Variants in EDN1 observed in about 807,000 individuals in gnomAD.
The protein encoded by EDN1 is endothelin-1.
A neutral mutation model predicts 21.7 loss-of-function variants in EDN1; 11 were observed. That is an observed-to-expected ratio of 0.51 (90% CI 0.32 to 0.84). The LOEUF (loss-of-function observed/expected upper bound fraction) is 0.84. EDN1 is among the 40% of genes least tolerant of loss of function. The pLI is 0.03. For synonymous variants in EDN1, 85 were observed against 90.6 expected (o/e 0.94, Z 0.35); for missense variants, 244 against 262.3 (o/e 0.93, Z 0.48).
chr6:12,232,167 TATA>T, the EDN1 span, among the ~76,000 whole-genome samples: 12 of 131,848 alleles, frequency 9.1e-5, no homozygotes, highest in East Asian at 1.5e-3. Flanking sequence ...TATAATATAA[TATA>T]ATAAAGTGTA....
chr6:12,254,293 C>G, the EDN1 span, among the ~76,000 whole-genome samples: 9 of 152,320 alleles, frequency 5.9e-5, no homozygotes, highest in African/African-American at 1.9e-4. Context: ...CTGGTACCCG[C>G]TCTTCTTCCG....
intron 1 of EDN1, among the ~76,000 whole-genome samples, chr6:12,292,048 G>A (rs1428966776): frequency 6.6e-6 from 1 of 152,184 alleles, no homozygotes; most frequent in Non-Finnish European, 1.5e-5. Flanking sequence ...GCATTTCCCT[G>A]AGCCTGCTTC....
At chr6:12,286,669 T>G (rs1026653127), upstream of EDN1, among the ~76,000 whole-genome samples, 1 of 152,214 alleles carries the variant, frequency 6.6e-6, no homozygotes, top group Non-Finnish European at 1.5e-5. Context: ...AGCTGGAGAA[T>G]GCTAAAAACA....
chr6:12,275,445 G>C, the EDN1 span, among the ~76,000 whole-genome samples: 1 of 152,072 alleles, frequency 6.6e-6, no homozygotes, highest in African/African-American at 2.4e-5. Flanking sequence ...CCTTTTACTT[G>C]ACCCAGCAGA....
the EDN1 span, among the ~76,000 whole-genome samples, chr6:12,231,198 A>T: frequency 6.6e-6 from 1 of 152,176 alleles, no homozygotes; most frequent in Non-Finnish European, 1.5e-5. Flanking sequence ...CGCAGCACTT[A>T]CTTTCTGCCA....
At chr6:12,278,083 C>T in the EDN1 span, among the ~76,000 whole-genome samples, 1 of 152,130 alleles carries the variant, frequency 6.6e-6, no homozygotes, top group East Asian at 1.9e-4. Flanking sequence ...TTTACTGGAA[C>T]ATTTATTGAG....
rs370038651 is a variant in EDN1, at chr6:12,294,110, C to T, written c.389+14C>T. On this transcript the variant is annotated intron_variant, in intron 3 of 4. Transcript: ENST00000379375. The stretch of plus-strand genomic sequence containing the variant: ...AAAAGAACTCAGGTGAGCAGAAACA[C>T]CTTTGCTTTTCAATCAGTTTAACAG... 7.4e-6 allele frequency: 12 copies of T among 1,613,986 alleles called. No homozygotes were observed. In the African/African-American group the frequency reaches 1.2e-4, roughly 16 times the overall value.
chr6:12,268,175 T>C, the EDN1 span, among the ~76,000 whole-genome samples: 4 of 152,202 alleles, frequency 2.6e-5, no homozygotes, highest in Non-Finnish European at 2.9e-5. Context: ...CTGTAGCCCA[T>C]GGATCAAGGA....
At chr6:12,286,359 G>T (rs1762558649), upstream of EDN1, among the ~76,000 whole-genome samples, 1 of 152,204 alleles carries the variant, frequency 6.6e-6, no homozygotes, top group Admixed American at 6.5e-5. Flanking sequence ...GAGAAGCTGT[G>T]TTTCTTCATA....
chr6:12,296,266 G>T lies in EDN1; in HGVS notation c.*199G>T. On this transcript the variant is annotated 3_prime_UTR_variant, in exon 5 of 5. Coordinates refer to ENST00000379375, the MANE Select transcript of EDN1 (RefSeq NM_001955.5). ...ACCATCTTCACTGGCTTCCATCAGTGGTAACTGCTTTGGTCTCTTCTTTCA... is the reference window on the plus strand; with the variant it reads ...ACCATCTTCACTGGCTTCCATCAGTTGTAACTGCTTTGGTCTCTTCTTTCA... 1.8e-6 allele frequency: 1 copy of T among 571,360 alleles called. No homozygotes were observed. The highest frequency in any genetic ancestry group is 3.2e-6 in the Non-Finnish European group (1 of 312,852). The allele number at this position is 571,360 out of a possible 1,614,324, so 35.4% of individuals were successfully genotyped here.
chr6:12,232,572 C>A, the EDN1 span, among the ~76,000 whole-genome samples: 1 of 152,298 alleles, frequency 6.6e-6, no homozygotes, highest in South Asian at 2.1e-4. Flanking sequence ...CTGTCAAACT[C>A]ATCTTTCATT....
chr6:12,240,758 A>G, the EDN1 span, among the ~76,000 whole-genome samples: 2 of 152,152 alleles, frequency 1.3e-5, no homozygotes, highest in African/African-American at 2.4e-5. Context: ...TTCAATATCT[A>G]TTATCCCTTA....
chr6:12,290,475 G>A lies in EDN1; in HGVS notation c.-155G>A. 2 of 650,234 alleles carry A rather than the reference G, an allele frequency of 3.1e-6. No homozygotes were observed. Among genetic ancestry groups the A allele is most frequent in the Non-Finnish European group, 5.4e-6 (2 of 373,646 alleles). 40.3% of individuals were successfully genotyped at this position (650,234 alleles called of 1,614,324 possible). A position where few individuals can be genotyped will look rare whatever the true frequency, so the allele number is the denominator to read the frequency against. On this transcript the variant is annotated 5_prime_UTR_variant, in exon 1 of 5. Coordinates refer to ENST00000379375, the MANE Select transcript of EDN1 (RefSeq NM_001955.5). ...CGCTCGCTGCCTTCTCTCCTGGCAG[G>A]CGCTGCCTTTTCTCCCCGTTAAAAG...
rs28763972 is a variant in EDN1 at position 12,290,730 on chromosome 6, C to A, written c.64+37C>A. 6.4e-6 allele frequency: 10 copies of A among 1,564,162 alleles called. No individual in the cohort carries two copies. The African/African-American group carries it at 9.5e-5, about 15-fold the overall frequency. On this transcript the variant is annotated intron_variant, in intron 1 of 4. Coordinates refer to ENST00000379375, the MANE Select transcript of EDN1 (RefSeq NM_001955.5). ...CGTTGACTTGTAAGTCTCGGAATTA[C>A]AAGTTAGTGTGTTCTTATCCACCTT... is the stretch of plus-strand genomic sequence containing the variant.
the EDN1 span, among the ~76,000 whole-genome samples, chr6:12,261,253 C>G: frequency 2.6e-5 from 4 of 152,170 alleles, no homozygotes; most frequent in African/African-American, 4.8e-5. Flanking sequence ...CTTCAAGCGA[C>G]TAAAACTGAA....
the EDN1 span, among the ~76,000 whole-genome samples, chr6:12,284,100 C>T: frequency 6.6e-6 from 1 of 152,282 alleles, no homozygotes; most frequent in South Asian, 2.1e-4. Context: ...TCCATGCTAC[C>T]TTTACATTGG....
At chr6:12,242,409 T>G in the EDN1 span, among the ~76,000 whole-genome samples, 4 of 152,188 alleles carry the variant, frequency 2.6e-5, no homozygotes, top group Admixed American at 2.6e-4. Flanking sequence ...TCAAGCCAAC[T>G]GCTTGAGCTC....
the EDN1 span, among the ~76,000 whole-genome samples, chr6:12,263,911 G>T: frequency 6.6e-6 from 1 of 152,124 alleles, no homozygotes. Context: ...TAAAGATCAC[G>T]AAGGTCTAGC....
the EDN1 span, among the ~76,000 whole-genome samples, chr6:12,278,382 A>G: frequency 1.3e-5 from 2 of 152,070 alleles, no homozygotes. Flanking sequence ...CTTTTATTGA[A>G]CTGTATCAGC....
Sources: allele counts gnomAD v4.1 joint callset (sites outside exome capture counted in the v4.1 genomes callset), GRCh38; gene constraint gnomAD v4.1.1; transcripts MANE v1.5; gene names NCBI Gene and HGNC (gene_info 2026-07-23, HGNC 2026-07-21).